Variants in CSMD1 observed in about 807,000 individuals in gnomAD.
The protein encoded by CSMD1 is CUB and sushi domain-containing protein 1.
In CSMD1, 213 loss-of-function variants were observed where a neutral mutation model predicts 417.5. The observed-to-expected ratio is 0.51, with a 90% CI of 0.46 to 0.57. The LOEUF (loss-of-function observed/expected upper bound fraction) is 0.57, where lower values mean the gene tolerates loss of function less well. Among genes scored for constraint, CSMD1 ranks in the 20% least tolerant of loss-of-function variants. The pLI is 0.00. For missense variants in CSMD1, 6,923 were observed against 4,529.7 expected, an observed-to-expected ratio of 1.53 and a Z score of -15.17; for synonymous variants, 2,862 against 1,736.8, an observed-to-expected ratio of 1.65 and a Z score of -16.11.
Position 3,604,495 on chromosome 8 carries a change from C to A in CSMD1, c.1097+12215G>T, listed in dbSNP as rs143313798. Among the ~76,000 whole-genome samples the A allele has an allele frequency of 3.0e-3, 454 of 152,132 alleles. 3 individuals are homozygous for A. The highest frequency in any genetic ancestry group is 0.011 in the African/African-American group (438 of 41,506). ...ACGAGAAGGATCATAGAAATGAAGA[C>A]GTGCTAAAGAGGAGAGCCAATACCA... is the stretch of plus-strand genomic sequence containing the variant. On this transcript the variant is annotated intron_variant, in intron 8 of 69. Coordinates refer to ENST00000635120, the MANE Select transcript of CSMD1 (RefSeq NM_033225.6).
At chr8:4,898,439 C>T (rs1210925522) in intron 1 of CSMD1, among the ~76,000 whole-genome samples, 1 of 151,480 alleles carries the variant, frequency 6.6e-6, no homozygotes, top group South Asian at 2.1e-4. Context: ...CACAGAAGGA[C>T]CGCATGGGTG....
chr8:4,277,739 A>C (rs1215641353), intron 3 of CSMD1, among the ~76,000 whole-genome samples: 1 of 151,994 alleles, frequency 6.6e-6, no homozygotes, highest in Non-Finnish European at 1.5e-5. Flanking sequence ...CCCATTCCCT[A>C]AATGTATTTT....
chr8:4,125,984 G>C (rs1001574177), intron 3 of CSMD1, among the ~76,000 whole-genome samples: 2 of 152,000 alleles, frequency 1.3e-5, no homozygotes, highest in African/African-American at 2.4e-5. Context: ...ATCTAAGATC[G>C]GTGGTTGTGA....
rs1251132961 is a variant in CSMD1 at position 3,513,479 on chromosome 8, G to A, written c.1345-19753C>T. On this transcript the variant is annotated intron_variant, in intron 10 of 69. Transcript: ENST00000635120. Reference sequence around the variant, plus strand: ...TAGCTGGGATTACAGGCCTGTTGTGGGATCTCACCTTGTGATCGTGTGAGT... The same window carrying A: ...TAGCTGGGATTACAGGCCTGTTGTGAGATCTCACCTTGTGATCGTGTGAGT... Among the ~76,000 whole-genome samples, 4 of 151,784 alleles carry A rather than the reference G, an allele frequency of 2.6e-5. No homozygotes were observed. In the East Asian group the frequency reaches 7.8e-4, roughly 29 times the overall value.
chr8:3,613,567 T>C (rs921044594), intron 8 of CSMD1, among the ~76,000 whole-genome samples: 3 of 152,090 alleles, frequency 2.0e-5, no homozygotes, highest in Non-Finnish European at 4.4e-5. Flanking sequence ...TACAAATTAA[T>C]ATTATTTCAG....
rs559636027 is a variant in CSMD1, at chr8:4,082,204, C to A, written c.416-50105G>T. Among the ~76,000 whole-genome samples, 13 of 152,098 alleles carry A rather than the reference C, an allele frequency of 8.5e-5. No individual in the cohort carries two copies. The East Asian group carries it at 2.5e-3, about 29-fold the overall frequency. On this transcript the variant is annotated intron_variant, in intron 3 of 69. Transcript: ENST00000635120. ...CAAGATATACTGTGAATAAATTTTT[C>A]CCCAAAATTATGACCACACAGGTAA...
chr8:3,074,374 G>A (rs890738765), intron 49 of CSMD1, among the ~76,000 whole-genome samples: 2 of 152,106 alleles, frequency 1.3e-5, no homozygotes, highest in South Asian at 2.1e-4. Context: ...GCAATCACGG[G>A]AGGAGGGTCC....
At chr8:3,847,426 C>T (rs761453374) in intron 5 of CSMD1, among the ~76,000 whole-genome samples, 10 of 152,048 alleles carry the variant, frequency 6.6e-5, no homozygotes, top group African/African-American at 1.7e-4. Flanking sequence ...CAGTTGGCTG[C>T]GAGCAGTGGG....
At chr8:4,197,746 G>C (rs973281477) in intron 3 of CSMD1, among the ~76,000 whole-genome samples, 5 of 152,132 alleles carry the variant, frequency 3.3e-5, no homozygotes, top group African/African-American at 9.7e-5. Flanking sequence ...GGGCATGGTG[G>C]TGCGTTCTTG....
chr8:3,211,768 C>A (rs1166012229), intron 30 of CSMD1, among the ~76,000 whole-genome samples: 2 of 152,210 alleles, frequency 1.3e-5, no homozygotes, highest in African/African-American at 4.8e-5. Context: ...CATGCCTCGT[C>A]CAGAAGGGAG....
rs145011567 is a variant in CSMD1, at chr8:3,955,251, G to A, written c.818+42652C>T. Among the ~76,000 whole-genome samples, 137 of 152,108 alleles carry A rather than the reference G, an allele frequency of 9.0e-4. No homozygotes were observed. In the East Asian group the frequency reaches 0.023, roughly 25 times the overall value. ...TGAGAGGCCCCCACAGATCCCACCG[G>A]CAATGCCAACCAACATGCAAAAGAG... On this transcript the variant is annotated intron_variant, in intron 5 of 69. Transcript: ENST00000635120.
At chr8:4,644,701 G>T (rs1011356360) in intron 1 of CSMD1, among the ~76,000 whole-genome samples, 8 of 152,210 alleles carry the variant, frequency 5.3e-5, no homozygotes, top group Non-Finnish European at 8.8e-5. Flanking sequence ...GAGCCACCAT[G>T]CCTGGCGCCT....
intron 6 of CSMD1, among the ~76,000 whole-genome samples, chr8:3,730,686 C>T (rs892417275): frequency 6.6e-6 from 1 of 152,112 alleles, no homozygotes; most frequent in Non-Finnish European, 1.5e-5. Context: ...CTAACCTCAC[C>T]AAAAGGCACC....
chr8:4,670,269 AAGCTCTCATT>A (rs1563107437), intron 1 of CSMD1, among the ~76,000 whole-genome samples: 3 of 152,166 alleles, frequency 2.0e-5, no homozygotes, highest in Admixed American at 2.0e-4. Context: ...AGTCTCCTGG[AAGCTCTCATT>A]TGCCTCTTTT....
intron 2 of CSMD1, among the ~76,000 whole-genome samples, chr8:4,431,872 TATTA>T (rs1326625781): frequency 6.6e-6 from 1 of 152,196 alleles, no homozygotes; most frequent in Non-Finnish European, 1.5e-5. Flanking sequence ...GAATAAAATT[TATTA>T]TATATACTAT....
intron 3 of CSMD1, among the ~76,000 whole-genome samples, chr8:4,360,883 G>A (rs953206553): frequency 1.1e-4 from 16 of 152,136 alleles, no homozygotes; most frequent in Non-Finnish European, 2.2e-4. Context: ...GTAAAGCACT[G>A]ACAGGTCCCC....
intron 1 of CSMD1, among the ~76,000 whole-genome samples, chr8:4,665,015 C>T (rs1338387662): frequency 1.3e-5 from 2 of 152,056 alleles, no homozygotes; most frequent in Admixed American, 6.6e-5. Context: ...TTTATTATTA[C>T]CAAATATTTT....
At chr8:3,102,621 A>G (rs1257950801) in intron 46 of CSMD1, among the ~76,000 whole-genome samples, 1 of 152,238 alleles carries the variant, frequency 6.6e-6, no homozygotes, top group Non-Finnish European at 1.5e-5. Context: ...TCATGCAAAG[A>G]TAACAGCATG....
chr8:3,570,534 G>A (rs1331015811), intron 10 of CSMD1, among the ~76,000 whole-genome samples: 2 of 145,716 alleles, frequency 1.4e-5, no homozygotes, highest in South Asian at 4.5e-4. Flanking sequence ...CTTGAGAACT[G>A]AGGGGAAATA....
Sources: allele counts gnomAD v4.1 joint callset (sites outside exome capture counted in the v4.1 genomes callset), GRCh38; gene constraint gnomAD v4.1.1; transcripts MANE v1.5; gene names NCBI Gene and HGNC (gene_info 2026-07-23, HGNC 2026-07-21).